The following NRG1 variants were observed in gnomAD, a reference collection of about 807,000 sequenced individuals.
NRG1 encodes the protein neuregulin 1, also known as pro-neuregulin-1, membrane-bound isoform.
In NRG1, 18 loss-of-function variants were observed where a neutral mutation model predicts 63.8. The observed-to-expected ratio is 0.28, with a 90% CI of 0.19 to 0.42. NRG1 has a LOEUF of 0.42. NRG1 is among the 10% of genes least tolerant of loss of function. The pLI, the probability that NRG1 is intolerant of heterozygous loss-of-function variation, is 1.00. For missense variants in NRG1, 762 were observed against 814.7 expected (o/e 0.94, Z 0.79); for synonymous variants, 302 against 301.3 (o/e 1.00, Z -0.02).
chr8:32,384,807 TC>T (rs1296647616), intron 1 of NRG1, among the ~76,000 whole-genome samples: 1 of 152,196 alleles, frequency 6.6e-6, no homozygotes, highest in African/African-American at 2.4e-5. Context: ...ATTCAAAAAT[TC>T]CCCAAGTAAC....
chr8:31,757,923 C>A lies in NRG1; in HGVS notation c.37+118492C>A, dbSNP rs117943970. 3.8e-3 allele frequency among the ~76,000 whole-genome samples: 583 copies of A among 151,972 alleles called. 1 individual carries two copies. The highest frequency in any genetic ancestry group is 0.02 in the Middle Eastern group (6 of 294). ...CCATCCTTTCAGAAAATTCCTCATG[C>A]CCCTCACTCCTCCTTCTCCTCTATC... is the stretch of plus-strand genomic sequence containing the variant. On this transcript the variant is annotated intron_variant, in intron 1 of 10. Coordinates refer to the NRG1 transcript ENST00000519301.
chr8:31,927,249 G>A (rs879721570), intron 1 of NRG1, among the ~76,000 whole-genome samples: 2 of 151,978 alleles, frequency 1.3e-5, no homozygotes, highest in African/African-American at 2.4e-5. Context: ...ATTTAGAGGG[G>A]TGGTTCCCAA....
chr8:32,713,512 C>T (rs915056132), intron 5 of NRG1, among the ~76,000 whole-genome samples: 1 of 151,538 alleles, frequency 6.6e-6, no homozygotes, highest in Non-Finnish European at 1.5e-5. Context: ...GTTGAATTTT[C>T]ACAAACCCCA....
At chr8:32,361,104 A>T (rs1009124514) in intron 1 of NRG1, among the ~76,000 whole-genome samples, 1 of 152,230 alleles carries the variant, frequency 6.6e-6, no homozygotes, top group Admixed American at 6.5e-5. Flanking sequence ...AGGTATAGAA[A>T]CACATATTAT....
chr8:31,996,706 C>T (rs939634589), intron 1 of NRG1, among the ~76,000 whole-genome samples: 2 of 151,760 alleles, frequency 1.3e-5, no homozygotes, highest in Non-Finnish European at 2.9e-5. Flanking sequence ...AGAGAAAGAC[C>T]CTGTCTTCAA....
intron 1 of NRG1, among the ~76,000 whole-genome samples, chr8:31,722,358 T>C (rs1455663874): frequency 4.6e-5 from 7 of 152,150 alleles, no homozygotes; most frequent in Admixed American, 4.6e-4. Flanking sequence ...CAGTGTCTAA[T>C]GTGATGTCTT....
intron 1 of NRG1, among the ~76,000 whole-genome samples, chr8:32,556,687 G>T (rs990243294): frequency 1.3e-5 from 2 of 152,180 alleles, no homozygotes; most frequent in East Asian, 3.9e-4. Context: ...AGGTGAAAAT[G>T]CATCTCATTA....
intron 1 of NRG1, among the ~76,000 whole-genome samples, chr8:32,394,395 A>G (rs531859654): frequency 2.7e-4 from 41 of 152,282 alleles, no homozygotes; most frequent in African/African-American, 9.4e-4. Flanking sequence ...CACTTAAGCC[A>G]CGTTTTATCT....
chr8:32,564,200 C>T (rs1837006334), intron 1 of NRG1, among the ~76,000 whole-genome samples: 1 of 152,060 alleles, frequency 6.6e-6, no homozygotes, highest in African/African-American at 2.4e-5. Context: ...AATCAAAGAT[C>T]TTAGAGGAAA....
chr8:31,860,286 G>A (rs954058412), intron 1 of NRG1, among the ~76,000 whole-genome samples: 28 of 152,136 alleles, frequency 1.8e-4, no homozygotes, highest in Non-Finnish European at 2.8e-4. Context: ...TCTAAAGTAC[G>A]TGTATGATGA....
At chr8:32,039,761 G>C (rs956078089) in intron 1 of NRG1, among the ~76,000 whole-genome samples, 1 of 152,082 alleles carries the variant, frequency 6.6e-6, no homozygotes, top group Admixed American at 6.5e-5. Flanking sequence ...GTTCATGCCT[G>C]TTATTCCAGT....
intron 1 of NRG1, among the ~76,000 whole-genome samples, chr8:32,427,056 A>G (rs1178201802): frequency 6.6e-6 from 1 of 152,050 alleles, no homozygotes; most frequent in Non-Finnish European, 1.5e-5. Context: ...GTCTGTAAAC[A>G]GCCCGAGTAG....
intron 1 of NRG1, among the ~76,000 whole-genome samples, chr8:32,320,125 A>G (rs1801212089): frequency 6.6e-6 from 1 of 152,172 alleles, no homozygotes; most frequent in African/African-American, 2.4e-5. Context: ...CAAAATAGAA[A>G]CACTGATATC....
In NRG1 at chr8:32,247,112, T is replaced by A. The variant is rs36035361; in HGVS notation, c.38-348716T>A. ...AAATTGTCAATTTACAGTTTTTTTT[T>A]AAAAAAAAGGAAAGCACTGGCTTAG... On this transcript the variant is annotated intron_variant, in intron 1 of 10. Coordinates refer to the NRG1 transcript ENST00000519301. Among the ~76,000 whole-genome samples the A allele has an allele frequency of 3.7e-3, 548 of 149,784 alleles. 4 individuals are homozygous for A. Among genetic ancestry groups the A allele is most frequent in the South Asian group, 6.4e-3 (30 of 4,690 alleles).
At chr8:32,472,663 A>G (rs1394933195) in intron 1 of NRG1, among the ~76,000 whole-genome samples, 1 of 152,186 alleles carries the variant, frequency 6.6e-6, no homozygotes, top group Non-Finnish European at 1.5e-5. Context: ...CCTTGCCTAC[A>G]TTTCCTCACA....
chr8:32,379,887 A>G (rs1810126054), intron 1 of NRG1, among the ~76,000 whole-genome samples: 1 of 152,200 alleles, frequency 6.6e-6, no homozygotes, highest in Admixed American at 6.5e-5. Flanking sequence ...CCGTATCATG[A>G]ATACCTCTCT....
intron 5 of NRG1, among the ~76,000 whole-genome samples, chr8:32,681,809 C>T (rs6468122): frequency 0.43 from 65,941 of 151,998 alleles, 17,590 homozygotes; most frequent in African/African-American, 0.76. Flanking sequence ...AAACAGACGG[C>T]GACCCATTTA....
exon 12 of NRG1, chr8:32,763,755 T>C: frequency 6.4e-7 from 1 of 1,550,494 alleles, no homozygotes; most frequent in Non-Finnish European, 8.7e-7. Context: ...CAGGTATGTG[T>C]CAGCCATGAC....
At chr8:32,500,011 G>C (rs1448690484) in intron 1 of NRG1, among the ~76,000 whole-genome samples, 2 of 152,104 alleles carry the variant, frequency 1.3e-5, no homozygotes, top group African/African-American at 4.8e-5. Flanking sequence ...CATTCACAAG[G>C]GTGGGTTATA....
Sources: allele counts gnomAD v4.1 joint callset (sites outside exome capture counted in the v4.1 genomes callset), GRCh38; gene constraint gnomAD v4.1.1; transcripts MANE v1.5; gene names NCBI Gene and HGNC (gene_info 2026-07-23, HGNC 2026-07-21).